The following AGBL1 variants were observed in gnomAD, a reference collection of about 807,000 sequenced individuals.
The protein encoded by AGBL1 is AGBL carboxypeptidase 1.
Under a neutral mutation model 118.9 loss-of-function variants are expected in AGBL1, and 130 were observed. The observed-to-expected ratio is 1.09, with a 90% CI of 0.95 to 1.26. AGBL1 has a LOEUF of 1.26. Among genes scored for constraint, AGBL1 ranks in the 50% most tolerant of loss-of-function variants. The pLI, the probability that AGBL1 is intolerant of heterozygous loss-of-function variation, is 0.00. For missense variants in AGBL1, 1,584 were observed against 1,298.1 expected (o/e 1.22, Z -3.38); for synonymous variants, 555 against 478.9 (o/e 1.16, Z -2.08).
chr15:86,433,406 C>A (rs1022099827), intron 18 of AGBL1, among the ~76,000 whole-genome samples: 10 of 150,558 alleles, frequency 6.6e-5, no homozygotes, highest in African/African-American at 2.2e-4. Context: ...AAGGTGAAGG[C>A]CCCTGTTCAG....
intron 22 of AGBL1, among the ~76,000 whole-genome samples, chr15:86,756,721 A>C (rs866119083): frequency 2.6e-5 from 4 of 152,202 alleles, no homozygotes; most frequent in Middle Eastern, 3.4e-3. Context: ...CATGGGAGTG[A>C]AGTTCAGTAT....
At chr15:86,978,512 GCAAGGTAAAA>G (rs1322159625) in intron 23 of AGBL1, among the ~76,000 whole-genome samples, 1 of 152,190 alleles carries the variant, frequency 6.6e-6, no homozygotes, top group Non-Finnish European at 1.5e-5. Context: ...CAGCCCTACA[GCAAGGTAAAA>G]CAAGTAGTGC....
At chr15:86,364,216 A>G (rs1451434130) in intron 17 of AGBL1, among the ~76,000 whole-genome samples, 1 of 152,238 alleles carries the variant, frequency 6.6e-6, no homozygotes, top group Non-Finnish European at 1.5e-5. Flanking sequence ...TCCACAATGT[A>G]GGACCCAGCT....
chr15:86,981,778 C>T (rs1362240451), intron 23 of AGBL1, among the ~76,000 whole-genome samples: 2 of 152,036 alleles, frequency 1.3e-5, no homozygotes, highest in African/African-American at 4.8e-5. Flanking sequence ...ATGAAAGTTG[C>T]CTTGGGACAA....
chr15:86,751,755 T>C (rs2077856342), intron 22 of AGBL1, among the ~76,000 whole-genome samples: 1 of 152,154 alleles, frequency 6.6e-6, no homozygotes, highest in Admixed American at 6.6e-5. Context: ...ATATTTTTGG[T>C]CTGCTTACTG....
At chr15:86,379,218 CTTTAG>C (rs2081080380) in intron 17 of AGBL1, among the ~76,000 whole-genome samples, 1 of 150,834 alleles carries the variant, frequency 6.6e-6, no homozygotes, top group South Asian at 2.1e-4. Flanking sequence ...TGGCCGGTCA[CTTTAG>C]TTTAGATTTC....
At chr15:86,667,503 A>G (rs1401474855) in intron 21 of AGBL1, among the ~76,000 whole-genome samples, 5 of 152,058 alleles carry the variant, frequency 3.3e-5, no homozygotes, top group Non-Finnish European at 7.4e-5. Flanking sequence ...ATCTTGCTCC[A>G]CTGTCTTAGG....
intron 22 of AGBL1, among the ~76,000 whole-genome samples, chr15:86,744,537 T>C (rs1359108854): frequency 6.6e-6 from 1 of 152,054 alleles, no homozygotes; most frequent in East Asian, 1.9e-4. Flanking sequence ...GCAATAACAG[T>C]GGAGTCCAAG....
At position 86,683,702 on chromosome 15, in the gene AGBL1, C is replaced by G. The variant is rs536125151; in HGVS notation, c.3158+9266C>G. On this transcript the variant is annotated intron_variant, in intron 22 of 22. Coordinates refer to ENST00000614907, the MANE Select transcript of AGBL1 (RefSeq NM_001386094.1). ...CCAGCCCCTGGAAAAGGATTTCAAT[C>G]AAGAAACTCACTCTTACTACTCTCT... Among the ~76,000 whole-genome samples the G allele has an allele frequency of 4.4e-4, 67 of 152,250 alleles. 1 individual carries two copies. In the South Asian group the frequency reaches 0.01, roughly 24 times the overall value.
At chr15:86,588,293 T>A (rs1184940240) in intron 21 of AGBL1, among the ~76,000 whole-genome samples, 2 of 152,214 alleles carry the variant, frequency 1.3e-5, no homozygotes, top group African/African-American at 2.4e-5. Context: ...CTTGATCACC[T>A]ACAGGTCTTA....
chr15:86,478,383 G>C, intron 18 of AGBL1, among the ~76,000 whole-genome samples: 1 of 152,222 alleles, frequency 6.6e-6, no homozygotes, highest in East Asian at 1.9e-4. Flanking sequence ...CTTCAGCAAA[G>C]TCTCAGGATA....
intron 17 of AGBL1, among the ~76,000 whole-genome samples, chr15:86,363,704 A>G (rs1411991642): frequency 6.6e-6 from 1 of 152,130 alleles, no homozygotes; most frequent in Non-Finnish European, 1.5e-5. Context: ...TCTCAAATTC[A>G]TTAATTTAGG....
chr15:86,554,422 T>C lies in AGBL1; in HGVS notation c.2879T>C (p.Leu960Pro), dbSNP rs1482216159. Residue 960 changes from leucine to proline, a missense_variant, in exon 21 of 23, where the codon CTC (leucine) becomes CCC (proline). Leu to Pro is a moderately conservative substitution (Grantham distance 98, BLOSUM62 -3). Transcript: ENST00000614907. ...PAFTMSSCSF[L>P]VEKSRASTAR... Reference sequence around the variant, plus strand: ...TTCACAATGAGCAGCTGCAGCTTTCTCGTGGAGAAATCTCGAGCTTCCACG... The same window carrying C: ...TTCACAATGAGCAGCTGCAGCTTTCCCGTGGAGAAATCTCGAGCTTCCACG... The C allele has an allele frequency of 6.3e-7, 1 of 1,588,592 alleles. No individual in the cohort carries two copies. Among genetic ancestry groups the C allele is most frequent in the Non-Finnish European group, 8.6e-7 (1 of 1,167,156 alleles).
chr15:86,895,597 A>G (rs1046986908), intron 22 of AGBL1, among the ~76,000 whole-genome samples: 15 of 152,098 alleles, frequency 9.9e-5, no homozygotes, highest in African/African-American at 3.1e-4. Flanking sequence ...CATTGACAAG[A>G]CATAATTAAT....
At chr15:86,123,211 C>A (rs1205843268) in intron 1 of AGBL1, among the ~76,000 whole-genome samples, 1 of 152,064 alleles carries the variant, frequency 6.6e-6, no homozygotes, top group Non-Finnish European at 1.5e-5. Flanking sequence ...CATGAGAAAA[C>A]CCTGGTCTCC....
intron 23 of AGBL1, among the ~76,000 whole-genome samples, chr15:86,952,982 T>A (rs940722835): frequency 6.6e-6 from 1 of 152,220 alleles, no homozygotes; most frequent in Non-Finnish European, 1.5e-5. Context: ...CAGATTGTTA[T>A]AGGTGTGCAG....
chr15:86,858,567 GGACAACC>G (rs2079518345), intron 22 of AGBL1, among the ~76,000 whole-genome samples: 1 of 150,964 alleles, frequency 6.6e-6, no homozygotes, highest in Non-Finnish European at 1.5e-5. Flanking sequence ...AAACATTCAC[GGACAACC>G]TATTATGTCC....
chr15:86,389,746 G>T (rs1567231803), intron 17 of AGBL1, among the ~76,000 whole-genome samples: 2 of 152,010 alleles, frequency 1.3e-5, no homozygotes, highest in Non-Finnish European at 2.9e-5. Flanking sequence ...TGTAATCTCT[G>T]AGGTAACTGC....
At position 86,753,531 on chromosome 15, in the gene AGBL1, A is replaced by G. The variant is rs1040283977; in HGVS notation, c.3158+79095A>G. 8.7e-5 allele frequency among the ~76,000 whole-genome samples: 13 copies of G among 149,890 alleles called. 1 individual carries two copies. The highest frequency in any genetic ancestry group is 2.7e-4 in the Admixed American group (4 of 14,848). Reference sequence around the variant, plus strand: ...TCTTGCCTTAGCTTGCTGAGTTGCTAGGATTACAGACACCCACCACCACAC... The same window carrying G: ...TCTTGCCTTAGCTTGCTGAGTTGCTGGGATTACAGACACCCACCACCACAC... On this transcript the variant is annotated intron_variant, in intron 22 of 22. Transcript: ENST00000614907.
Sources: allele counts gnomAD v4.1 joint callset (sites outside exome capture counted in the v4.1 genomes callset), GRCh38; gene constraint gnomAD v4.1.1; transcripts MANE v1.5; gene names NCBI Gene and HGNC (gene_info 2026-07-23, HGNC 2026-07-21).